The following ZNF623 variants were observed in gnomAD, a reference collection of about 807,000 sequenced individuals.
The protein encoded by ZNF623 is zinc finger protein 623.
A neutral mutation model predicts 24.0 loss-of-function variants in ZNF623; 16 were observed. That is an observed-to-expected ratio of 0.67 (90% CI 0.45 to 1.01). ZNF623 has a LOEUF of 1.01. ZNF623 is among the 50% of genes least tolerant of loss of function. ZNF623 has a pLI of 0.00. For synonymous variants in ZNF623, 224 were observed against 219.8 expected (o/e 1.02, Z -0.17); for missense variants, 566 against 606.5 (o/e 0.93, Z 0.70).
At chr8:143,649,872 G>T (rs1356751819) in intron 1 of ZNF623, 26 bp from the exon 2 acceptor site, 3 of 1,597,062 alleles carry the variant, frequency 1.9e-6, no homozygotes, top group Non-Finnish European at 2.6e-6. Context: ...TAAGGGGAAA[G>T]ATGATTTTGT....
intron 1 of ZNF623, among the ~76,000 whole-genome samples, chr8:143,639,923 C>G (rs1231527297): frequency 6.6e-6 from 1 of 152,118 alleles, no homozygotes; most frequent in Admixed American, 6.5e-5. Context: ...CACAAACTCA[C>G]CTAACTTAAG....
In ZNF623 at chr8:143,650,655, G is replaced by A; in HGVS notation, c.663G>A (p.Arg221=). 6.2e-7 allele frequency: 1 copy of A among 1,613,894 alleles called. No individual in the cohort carries two copies. Among genetic ancestry groups the A allele is most frequent in the Non-Finnish European group, 8.5e-7 (1 of 1,179,978 alleles). ...IRHQRIHTGE[R]PYECNECGKS... ...ATCAGAGGATTCACACGGGAGAAAG[G>A]CCCTATGAGTGCAATGAATGTGGGA... is the stretch of plus-strand genomic sequence containing the variant. Residue 221 remains arginine, a synonymous_variant, in exon 2 of 2, where the codon AGG becomes AGA. Transcript: ENST00000526926. This position sits in a 1 kb window ranked among gnomAD's most constrained non-coding sequence, Gnocchi z 5.2.
intron 1 of ZNF623, among the ~76,000 whole-genome samples, chr8:143,648,299 A>G (rs1472937073): frequency 6.6e-6 from 1 of 152,070 alleles, no homozygotes; most frequent in Non-Finnish European, 1.5e-5. Flanking sequence ...CCAGATTCAC[A>G]TAAGGAGAGT....
chr8:143,649,333 A>G (rs11136310), intron 1 of ZNF623, among the ~76,000 whole-genome samples: 151,684 of 151,684 alleles, frequency 1, 75,842 homozygotes, highest in Non-Finnish European at 1. Context: ...GCACAAATCA[A>G]AACACAACCT....
rs985764360 is a variant in ZNF623 at position 143,649,218 on chromosome 8, C to T, written c.-95-680C>T. On this transcript the variant is annotated intron_variant, in intron 1 of 1. Coordinates refer to ENST00000526926, the MANE Select transcript of ZNF623 (RefSeq NM_001261843.2). ...GTGTGAACCCAGGAGGCAGAACTTG[C>T]AGTGAGCCGAGATTGCACCACTGCA... 1.3e-4 allele frequency among the ~76,000 whole-genome samples: 19 copies of T among 151,134 alleles called. 1 individual carries two copies. Among genetic ancestry groups the T allele is most frequent in the Middle Eastern group, 6.8e-3 (2 of 294 alleles).
In ZNF623 at chr8:143,652,065, T is replaced by G. The variant is rs1047637689; in HGVS notation, c.*582T>G. On this transcript the variant is annotated 3_prime_UTR_variant, in exon 2 of 2. Transcript: ENST00000526926. ...TGCTTCATCTTCCCTGTGCTCCACG[T>G]GGCTTCCTACCTCTCTCGCCTTTGT... The G allele has an allele frequency of 6.0e-5, 10 of 167,502 alleles. No homozygotes were observed. Among genetic ancestry groups the G allele is most frequent in the African/African-American group, 2.4e-4 (10 of 41,326 alleles). The allele number at this position is 167,502 out of a possible 1,614,324, so 10.4% of individuals were successfully genotyped here. A position where few individuals can be genotyped will look rare whatever the true frequency, so the allele number is the denominator to read the frequency against.
In ZNF623 at chr8:143,643,375, T is replaced by C. The variant is rs547550821; in HGVS notation, c.-95-6523T>C. 2.6e-5 allele frequency among the ~76,000 whole-genome samples: 4 copies of C among 152,336 alleles called. No homozygotes were observed. In the East Asian group the frequency reaches 7.7e-4, roughly 29 times the overall value. On this transcript the variant is annotated intron_variant, in intron 1 of 1. Coordinates refer to ENST00000526926, the MANE Select transcript of ZNF623 (RefSeq NM_001261843.2). ...ACCTGCAGAACTGTAGGGTAACAAA[T>C]GCATGCTGCTTTAAGCTGCTGAGTT...
chr8:143,638,953 C>T (rs1032518954), intron 1 of ZNF623, among the ~76,000 whole-genome samples: 47 of 151,920 alleles, frequency 3.1e-4, no homozygotes, highest in Non-Finnish European at 4.0e-4. Flanking sequence ...AGTGCAATGG[C>T]GCGATCTCAG....
chr8:143,638,260 G>A (rs541330887), intron 1 of ZNF623, among the ~76,000 whole-genome samples: 230 of 149,140 alleles, frequency 1.5e-3, no homozygotes, highest in African/African-American at 5.4e-3. Context: ...AGAATCACTT[G>A]AACCTGGGAG....
intron 1 of ZNF623, among the ~76,000 whole-genome samples, chr8:143,638,794 G>T: frequency 6.6e-6 from 1 of 151,844 alleles, no homozygotes; most frequent in East Asian, 1.9e-4. Context: ...AAAATAAACA[G>T]CTTGTTTCCA....
Position 143,653,105 on chromosome 8 carries a change from T to A in ZNF623, c.*1622T>A, listed in dbSNP as rs1355153422. 1 of 166,990 alleles carries A rather than the reference T, an allele frequency of 6.0e-6. No individual in the cohort carries two copies. Among genetic ancestry groups the A allele is most frequent in the Non-Finnish European group, 1.5e-5 (1 of 68,112 alleles). The allele number at this position is 166,990 out of a possible 1,614,324, so 10.3% of individuals were successfully genotyped here. On this transcript the variant is annotated 3_prime_UTR_variant, in exon 2 of 2. Transcript: ENST00000526926. ...AAGAAAATAGGGTCCAGGAGAGGAA[T>A]CTGCAGAAACATGGAGCCATGACAG...
chr8:143,646,761 C>A (rs555128784), intron 1 of ZNF623, among the ~76,000 whole-genome samples: 2 of 152,080 alleles, frequency 1.3e-5, no homozygotes, highest in East Asian at 3.9e-4. Context: ...ACTTCCTGGG[C>A]TCAAGTGATT....
rs1815347827 is a variant in ZNF623, at chr8:143,652,308, G to A, written c.*825G>A. On this transcript the variant is annotated 3_prime_UTR_variant, in exon 2 of 2. Transcript: ENST00000526926. ...CTATGCTGTTGGGTTCCTGAGGACA[G>A]TGATCATATCTGATTGATTTCCATG... The A allele has an allele frequency of 6.0e-6, 1 of 167,108 alleles. No individual in the cohort carries two copies. Among genetic ancestry groups the A allele is most frequent in the Non-Finnish European group, 1.5e-5 (1 of 68,144 alleles). The allele number at this position is 167,108 out of a possible 1,614,324, so 10.4% of individuals were successfully genotyped here.
At chr8:143,645,180 A>C (rs367614277) in intron 1 of ZNF623, among the ~76,000 whole-genome samples, 25 of 151,102 alleles carry the variant, frequency 1.7e-4, no homozygotes, top group African/African-American at 2.9e-4. Context: ...GTGGTGGCTC[A>C]TGCCTGTAAT....
At chr8:143,638,693 T>A (rs916466467) in intron 1 of ZNF623, among the ~76,000 whole-genome samples, 1 of 151,572 alleles carries the variant, frequency 6.6e-6, no homozygotes, top group South Asian at 2.1e-4. Flanking sequence ...AGGTGGAGAT[T>A]GCAGTGAGCC....
At chr8:143,649,671 C>T (rs2131455877) in intron 1 of ZNF623, 1 of 582,308 alleles carries the variant, frequency 1.7e-6, no homozygotes, top group South Asian at 2.3e-5. Flanking sequence ...CACCACAGAC[C>T]AGTCTGTCCT....
At chr8:143,638,748 CTG>C (rs1226850739) in intron 1 of ZNF623, among the ~76,000 whole-genome samples, 5 of 151,542 alleles carry the variant, frequency 3.3e-5, no homozygotes, top group African/African-American at 1.2e-4. Flanking sequence ...GAGTGAGACT[CTG>C]TCTCAAAAAA....
intron 1 of ZNF623, among the ~76,000 whole-genome samples, chr8:143,638,456 C>T (rs1234515850): frequency 1.3e-5 from 2 of 151,958 alleles, no homozygotes; most frequent in East Asian, 1.9e-4. Context: ...TCTGGCCGGC[C>T]GTGGTGGCTC....
intron 1 of ZNF623, chr8:143,649,537 G>A (rs1385064591): frequency 3.8e-6 from 1 of 265,088 alleles, no homozygotes; most frequent in African/African-American, 2.2e-5. Flanking sequence ...GTGAAGAGGT[G>A]GCAGGGCTGA....
Sources: gnomAD v4.1 joint callset for allele counts (sites outside exome capture counted in the v4.1 genomes callset) on GRCh38, gnomAD v4.1.1 for gene constraint, Gnocchi (gnomAD v3.1) non-coding constraint, MANE v1.5 for transcripts, NCBI Gene and HGNC (gene_info 2026-07-23, HGNC 2026-07-21) for gene names.